TBKBP1: variants seen among roughly 807,000 people sequenced by gnomAD.
TBKBP1 encodes TANK-binding kinase 1-binding protein 1.
A neutral mutation model predicts 69.9 loss-of-function variants in TBKBP1; 47 were observed. The observed-to-expected ratio is 0.67, with a 90% CI of 0.53 to 0.86. The LOEUF is 0.86. Ranked by LOEUF, TBKBP1 falls within the 40% of genes least tolerant of loss-of-function variation. The pLI, the probability that TBKBP1 is intolerant of heterozygous loss-of-function variation, is 0.00. For missense variants in TBKBP1, 831 were observed against 858.6 expected (o/e 0.97, Z 0.40); for synonymous variants, 418 against 390.3 (o/e 1.07, Z -0.84).
chr17:47,696,853 C>T lies in TBKBP1; in HGVS notation c.348+20C>T, dbSNP rs758021904. 15 of 1,612,094 alleles carry T rather than the reference C, an allele frequency of 9.3e-6. No homozygotes were observed. In the East Asian group the frequency reaches 1.3e-4, roughly 14 times the overall value. On this transcript the variant is annotated intron_variant, in intron 3 of 9. Coordinates refer to ENST00000578982, the MANE Select transcript of TBKBP1 (RefSeq NM_001394755.1). ...CATGAGGTGAGCCTACCAGGCTGGGCGCACCCCCTGAGCATCTTGCTCCAG... is the reference window on the plus strand; with the variant it reads ...CATGAGGTGAGCCTACCAGGCTGGGTGCACCCCCTGAGCATCTTGCTCCAG...
At position 47,711,043 on chromosome 17, in the gene TBKBP1, G is replaced by A. The variant is rs909675551; in HGVS notation, c.*417G>A. ...CCCCAAATGTCCATCTTTCTCAGAC[G>A]GGGCTCTGTCTGGGGAGCACCCACA... On this transcript the variant is annotated 3_prime_UTR_variant, in exon 10 of 10. Transcript: ENST00000578982. 12 of 158,206 alleles carry A rather than the reference G, an allele frequency of 7.6e-5. No homozygotes were observed. The highest frequency in any genetic ancestry group is 3.8e-4 in the Admixed American group (6 of 15,840). The allele number at this position is 158,206 out of a possible 1,614,324, so 9.8% of individuals were successfully genotyped here. A position where few individuals can be genotyped will look rare whatever the true frequency, so the allele number is the denominator to read the frequency against.
chr17:47,705,071 C>T (rs1303188851), intron 7 of TBKBP1, among the ~76,000 whole-genome samples: 1 of 152,202 alleles, frequency 6.6e-6, no homozygotes, highest in African/African-American at 2.4e-5. Flanking sequence ...CCTATCACCC[C>T]CAGGGAAGGG....
chr17:47,702,145 C>T (rs2031531362), intron 7 of TBKBP1, among the ~76,000 whole-genome samples: 1 of 152,230 alleles, frequency 6.6e-6, no homozygotes, highest in Non-Finnish European at 1.5e-5. Context: ...AGTGCTCCCT[C>T]CCCTGTCCTT....
At chr17:47,697,949 CAAAAAAAAA>C (rs1170697190) in intron 4 of TBKBP1, among the ~76,000 whole-genome samples, 27 of 36,950 alleles carry the variant, frequency 7.3e-4, no homozygotes, top group African/African-American at 2.3e-3. Flanking sequence ...ACCCTGTCTC[CAAAAAAAAA>C]AAAAAAAAAA....
In TBKBP1 at chr17:47,698,656, A is replaced by G; in HGVS notation, c.515A>G (p.Gln172Arg). Reference sequence around the variant, plus strand: ...GGTTTGGAGCAGCAGCTGCGGCAACAGCAAGGCCTCCAGGATGCAGCCTTC... The same window carrying G: ...GGTTTGGAGCAGCAGCTGCGGCAACGGCAAGGCCTCCAGGATGCAGCCTTC... ...ICGLEQQLRQ[Q>R]QGLQDAAFSN... is the part of the protein sequence containing the mutation. Residue 172 changes from glutamine (Q) to arginine (R), a missense_variant, in exon 5 of 10, where the codon CAG becomes CGG. Transcript: ENST00000578982. The G allele has an allele frequency of 6.2e-7, 1 of 1,603,292 alleles. No homozygotes were observed. The highest frequency in any genetic ancestry group is 8.5e-7 in the Non-Finnish European group (1 of 1,175,162).
intron 9 of TBKBP1, among the ~76,000 whole-genome samples, chr17:47,710,070 AAAT>A (rs1340444117): frequency 2.0e-5 from 3 of 152,232 alleles, no homozygotes; most frequent in African/African-American, 7.2e-5. Flanking sequence ...CATTTCACTG[AAAT>A]AATGAGTTCC....
rs1227185003 is a variant in TBKBP1 at position 47,708,322 on chromosome 17, C to G, written c.873-72C>G. 6.6e-7 allele frequency: 1 copy of G among 1,510,282 alleles called. No homozygotes were observed. The highest frequency in any genetic ancestry group is 9.1e-7 in the Non-Finnish European group (1 of 1,094,746). 93.6% of individuals were successfully genotyped at this position (1,510,282 alleles called of 1,614,324 possible). Reference sequence around the variant, plus strand: ...GTGGGGCCAGATGCTGGGGTAGAGCCAGTTCTTCCTCCACAGCTGGGACGG... The same window carrying G: ...GTGGGGCCAGATGCTGGGGTAGAGCGAGTTCTTCCTCCACAGCTGGGACGG... On this transcript the variant is annotated intron_variant, in intron 7 of 9. Coordinates refer to ENST00000578982, the MANE Select transcript of TBKBP1 (RefSeq NM_001394755.1). This position sits in a 1 kb window ranked among gnomAD's most constrained non-coding sequence, Gnocchi z 4.4.
At chr17:47,705,344 T>C (rs1236935842) in intron 7 of TBKBP1, among the ~76,000 whole-genome samples, 1 of 152,212 alleles carries the variant, frequency 6.6e-6, no homozygotes, top group East Asian at 1.9e-4. Flanking sequence ...ATCTGTAAAA[T>C]GAAGGTAACA....
At chr17:47,707,278 C>T (rs765811132) in intron 7 of TBKBP1, among the ~76,000 whole-genome samples, 14 of 152,188 alleles carry the variant, frequency 9.2e-5, no homozygotes, top group Non-Finnish European at 1.6e-4. Flanking sequence ...TGGGAGAAAG[C>T]AGAGAGCAGT....
At chr17:47,703,870 G>C (rs1385907312) in intron 7 of TBKBP1, among the ~76,000 whole-genome samples, 2 of 152,180 alleles carry the variant, frequency 1.3e-5, no homozygotes, top group Non-Finnish European at 2.9e-5. Context: ...GTGCAGGGAA[G>C]TGAAGTAATC....
chr17:47,709,111 C>G lies in TBKBP1; in HGVS notation c.1378C>G (p.Arg460Gly), dbSNP rs2143361791. The change falls in exon 9 of 10, where the codon CGC becomes GGC. Residue 460 changes from arginine (R) to glycine (G), a missense_variant. Physicochemically the swap from Arg to Gly is moderately radical, Grantham distance 125. Coordinates refer to ENST00000578982, the MANE Select transcript of TBKBP1 (RefSeq NM_001394755.1). Reference sequence around the variant, plus strand: ...CGTGAAGGCCGGCTTCCAGGGCCGCCGCAGCTACTCTGAGCTGGCGGAGGG... The same window carrying G: ...CGTGAAGGCCGGCTTCCAGGGCCGCGGCAGCTACTCTGAGCTGGCGGAGGG... ...HHVKAGFQGR[R>G]SYSELAEGAA... 7.3e-7 allele frequency: 1 copy of G among 1,365,408 alleles called. No individual in the cohort carries two copies. The highest frequency in any genetic ancestry group is 3.3e-5 in the East Asian group (1 of 30,602). The allele number at this position is 1,365,408 out of a possible 1,614,324, so 84.6% of individuals were successfully genotyped here.
intron 7 of TBKBP1, among the ~76,000 whole-genome samples, chr17:47,701,143 T>G (rs1051899712): frequency 6.6e-5 from 10 of 152,122 alleles, no homozygotes; most frequent in Non-Finnish European, 1.3e-4. Flanking sequence ...TCTGGCCAAC[T>G]GGGGATACCC....
At chr17:47,707,725 C>T (rs1411064743) in intron 7 of TBKBP1, among the ~76,000 whole-genome samples, 1 of 152,104 alleles carries the variant, frequency 6.6e-6, no homozygotes, top group Non-Finnish European at 1.5e-5. Context: ...TGAAAAGAGC[C>T]CAGAGGCAGC....
In TBKBP1 at chr17:47,700,289, CTTT is replaced by C. The variant is rs774797034; in HGVS notation, c.872+617_872+619del. 1.9e-3 allele frequency among the ~76,000 whole-genome samples: 80 copies of C among 41,454 alleles called. 1 individual carries two copies. The highest frequency in any genetic ancestry group is 2.0e-3 in the Non-Finnish European group (45 of 22,950). The allele number at this position is 41,454 out of a possible 152,430, so 27.2% of individuals were successfully genotyped here. On this transcript the variant is annotated intron_variant, in intron 7 of 9. Coordinates refer to ENST00000578982, the MANE Select transcript of TBKBP1 (RefSeq NM_001394755.1). ...TAGGAGTGAGCCACTGCGCCCGGAC[CTTT>C]TTTTTTTTTTTTTTTTTTTTTTTTG...
At position 47,699,667 on chromosome 17, in the gene TBKBP1, T is replaced by C. The variant is rs1485054064; in HGVS notation, c.842T>C (p.Met281Thr). The change falls in exon 7 of 10, where the codon ATG (methionine) becomes ACG (threonine). Residue 281 changes from methionine to threonine, a missense_variant. Met to Thr is a moderately conservative substitution (Grantham distance 81). Coordinates refer to ENST00000578982, the MANE Select transcript of TBKBP1 (RefSeq NM_001394755.1). ...DLASNQSERD[M>T]AWVKRVGDDQ... The stretch of plus-strand genomic sequence containing the variant: ...GCCTCCAACCAGTCGGAGCGAGACA[T>C]GGCGTGGGTGAAAAGAGTTGGGGAT... 17 of 1,613,908 alleles carry C rather than the reference T, an allele frequency of 1.1e-5. No homozygotes were observed. Among genetic ancestry groups the C allele is most frequent in the Non-Finnish European group, 1.4e-5 (17 of 1,179,890 alleles).
intron 4 of TBKBP1, among the ~76,000 whole-genome samples, chr17:47,697,398 T>C (rs1436086353): frequency 3.9e-5 from 6 of 152,218 alleles, no homozygotes; most frequent in Admixed American, 6.5e-5. Flanking sequence ...GCATGTGTTA[T>C]CCATGTTGCG....
In TBKBP1 at chr17:47,711,904, A is replaced by G. The variant is rs1487642318; in HGVS notation, c.*1278A>G. 1 of 152,572 alleles carries G rather than the reference A, an allele frequency of 6.6e-6. No homozygotes were observed. Among genetic ancestry groups the G allele is most frequent in the Non-Finnish European group, 1.5e-5 (1 of 68,126 alleles). 9.5% of individuals were successfully genotyped at this position (152,572 alleles called of 1,614,324 possible). A position where few individuals can be genotyped will look rare whatever the true frequency, so the allele number is the denominator to read the frequency against. ...CTATAGAGCAGGGGAGTGAAGGGGT[A>G]TGTCAGGCGGGGAAGGGGCCAAGGA... On this transcript the variant is annotated 3_prime_UTR_variant, in exon 10 of 10. Transcript: ENST00000578982.
chr17:47,694,482 C>G (rs1428789535), intron 1 of TBKBP1: 4 of 152,068 alleles, frequency 2.6e-5, no homozygotes, highest in Non-Finnish European at 4.4e-5. Context: ...GTCTCGGCCC[C>G]CGAGAGGGGA....
rs375152814 is a variant in TBKBP1, at chr17:47,700,472, C to T, written c.872+775C>T. Among the ~76,000 whole-genome samples, 28 of 151,816 alleles carry T rather than the reference C, an allele frequency of 1.8e-4. 1 individual carries two copies. In the South Asian group the frequency reaches 5.6e-3, roughly 31 times the overall value. The stretch of plus-strand genomic sequence containing the variant: ...CTGGAGATGCCAGGGCTAAGTGACA[C>T]TTACTCGGCTGCTTTGTCGCTGTGT... On this transcript the variant is annotated intron_variant, in intron 7 of 9. Transcript: ENST00000578982.
Sources: gnomAD v4.1 joint callset for allele counts (sites outside exome capture counted in the v4.1 genomes callset) on GRCh38, gnomAD v4.1.1 for gene constraint, Gnocchi (gnomAD v3.1) non-coding constraint, MANE v1.5 for transcripts, NCBI Gene and HGNC (gene_info 2026-07-23, HGNC 2026-07-21) for gene names.